The following NFKB1 variants were observed in gnomAD, a reference collection of about 807,000 sequenced individuals.
NFKB1 encodes the protein nuclear factor NF-kappa-B p105 subunit.
A neutral mutation model predicts 105.1 loss-of-function variants in NFKB1; 9 were observed. That is an observed-to-expected ratio of 0.09 (90% CI 0.05 to 0.15). The LOEUF is 0.15. Among genes scored for constraint, NFKB1 ranks in the 10% least tolerant of loss-of-function variants. The pLI, the probability that NFKB1 is intolerant of heterozygous loss-of-function variation, is 1.00. For missense variants in NFKB1, 830 were observed against 1,203.7 expected, an observed-to-expected ratio of 0.69 and a Z score of 4.59; for synonymous variants, 440 against 442.2, an observed-to-expected ratio of 1.00 and a Z score of 0.06.
chr4:102,517,951 T>C (rs1280267257), intron 1 of NFKB1, among the ~76,000 whole-genome samples: 1 of 152,140 alleles, frequency 6.6e-6, no homozygotes, highest in Non-Finnish European at 1.5e-5. Flanking sequence ...ATAAGTAATA[T>C]GGCAATAATG....
At chr4:102,549,669 C>T (rs1242358076) in intron 5 of NFKB1, among the ~76,000 whole-genome samples, 2 of 151,992 alleles carry the variant, frequency 1.3e-5, no homozygotes, top group Non-Finnish European at 2.9e-5. Flanking sequence ...GTAGACTTAA[C>T]ATATTCACAA....
intron 9 of NFKB1, 110 bp downstream of exon 9, chr4:102,580,749 C>A: frequency 1.3e-6 from 1 of 766,430 alleles, no homozygotes; most frequent in Non-Finnish European, 2.1e-6. Context: ...CATCCCTCTG[C>A]TGCCACAGAA....
chr4:102,578,043 GC>G (rs1301285197), intron 7 of NFKB1: 3 of 949,438 alleles, frequency 3.2e-6, no homozygotes, highest in African/African-American at 3.5e-5. Context: ...TTCCCGTTTT[GC>G]CCCTTCAGGT....
At position 102,529,905 on chromosome 4, in the gene NFKB1, C is replaced by T; in HGVS notation, c.109C>T (p.Leu37=). 1 of 1,608,436 alleles carries T rather than the reference C, an allele frequency of 6.2e-7. No homozygotes were observed. Among genetic ancestry groups the T allele is most frequent in the Non-Finnish European group, 8.5e-7 (1 of 1,176,032 alleles). The stretch of plus-strand genomic sequence containing the variant: ...AGAAGTATTTCAACCACAGATGGCA[C>T]TGCCAACAGGTAAGAAAACTCATCC... ...NPEVFQPQMA[L]PTADGPYLQI... The change falls in exon 3 of 24, where the codon CTG becomes TTG. Residue 37 remains leucine, a synonymous_variant. Transcript: ENST00000226574.
intron 9 of NFKB1, among the ~76,000 whole-genome samples, chr4:102,581,231 T>G: frequency 6.6e-6 from 1 of 152,206 alleles, no homozygotes; most frequent in African/African-American, 2.4e-5. Flanking sequence ...TAGTAAAAGC[T>G]GAGGAAAATG....
rs117598400 is a variant in NFKB1 at position 102,573,849 on chromosome 4, C to T, written c.408-3027C>T. Among the ~76,000 whole-genome samples the T allele has an allele frequency of 9.8e-4, 149 of 151,966 alleles. 1 individual carries two copies. The East Asian group carries it at 0.023, about 24-fold the overall frequency. ...ATCTAGTGTATTTTTTCCTCTTAGACATTGTAATTTGCAATTTCTATAGAT... is the reference window on the plus strand; with the variant it reads ...ATCTAGTGTATTTTTTCCTCTTAGATATTGTAATTTGCAATTTCTATAGAT... On this transcript the variant is annotated intron_variant, in intron 6 of 23. Transcript: ENST00000226574.
At chr4:102,552,732 G>C (rs1250392071) in intron 5 of NFKB1, among the ~76,000 whole-genome samples, 1 of 152,110 alleles carries the variant, frequency 6.6e-6, no homozygotes, top group Admixed American at 6.5e-5. Context: ...TGTTTAGTCA[G>C]TTTATACAGG....
chr4:102,504,424 A>T (rs550251826), intron 1 of NFKB1, among the ~76,000 whole-genome samples: 2 of 152,296 alleles, frequency 1.3e-5, no homozygotes, highest in South Asian at 4.1e-4. Context: ...TTTAGTAGGA[A>T]GTTTGTTTTA....
In NFKB1 at chr4:102,578,942, C is replaced by T. The variant is rs767270230; in HGVS notation, c.633C>T (p.Ser211=). ...ALQQTKEMDL[S]VVRLMFTAFL... ...AGCAGACCAAGGAGATGGACCTCAG[C>T]GTGGTGCGGCTCATGTTTACAGCTT... The change falls in exon 8 of 24, where the codon AGC becomes AGT. Residue 211 remains serine, a synonymous_variant. Coordinates refer to ENST00000226574, the MANE Select transcript of NFKB1 (RefSeq NM_003998.4). 1.1e-5 allele frequency: 17 copies of T among 1,614,132 alleles called. No individual in the cohort carries two copies. The highest frequency in any genetic ancestry group is 3.3e-5 in the South Asian group (3 of 91,082).
chr4:102,607,108 T>C, intron 17 of NFKB1, 42 bp from the exon 18 acceptor site: 1 of 1,607,564 alleles, frequency 6.2e-7, no homozygotes, highest in South Asian at 1.1e-5. Context: ...TCTTGTGAGT[T>C]AGCCATCCCA....
rs1722554751 is a variant in NFKB1 at position 102,551,273 on chromosome 4, CAT to C, written c.258+13318_258+13319del. ...CATGGCACCACAGCCAAGATACAGA[CAT>C]GTGTGAGAGAGTAATCAGGGTATTA... On this transcript the variant is annotated intron_variant, in intron 5 of 23. Coordinates refer to ENST00000226574, the MANE Select transcript of NFKB1 (RefSeq NM_003998.4). Among the ~76,000 whole-genome samples, 3 of 152,248 alleles carry C rather than the reference CAT, an allele frequency of 2.0e-5. No individual in the cohort carries two copies. In the South Asian group the frequency reaches 6.2e-4, roughly 32 times the overall value.
At chr4:102,563,221 G>C (rs921934524) in intron 5 of NFKB1, among the ~76,000 whole-genome samples, 2 of 152,152 alleles carry the variant, frequency 1.3e-5, no homozygotes, top group Admixed American at 1.3e-4. Context: ...GTCATCAGTA[G>C]GTATTGAGTC....
At chr4:102,549,902 C>CA (rs1331130465) in intron 5 of NFKB1, among the ~76,000 whole-genome samples, 1 of 152,130 alleles carries the variant, frequency 6.6e-6, no homozygotes, top group Non-Finnish European at 1.5e-5. Context: ...CCAATGCTGC[C>CA]ACCCTGGTAT....
At chr4:102,605,100 T>A (rs1350131961) in intron 16 of NFKB1, among the ~76,000 whole-genome samples, 1 of 152,200 alleles carries the variant, frequency 6.6e-6, no homozygotes, top group Non-Finnish European at 1.5e-5. Context: ...CTCATTCTCT[T>A]TCCTTTTCCC....
At chr4:102,520,811 G>A (rs1288916771) in intron 1 of NFKB1, among the ~76,000 whole-genome samples, 1 of 152,116 alleles carries the variant, frequency 6.6e-6, no homozygotes, top group East Asian at 1.9e-4. Flanking sequence ...GAAGATTTCA[G>A]TAGTGCTTAG....
chr4:102,529,212 A>G (rs1741118414), intron 2 of NFKB1, among the ~76,000 whole-genome samples: 1 of 152,136 alleles, frequency 6.6e-6, no homozygotes, highest in Non-Finnish European at 1.5e-5. Flanking sequence ...AGCTTAACAC[A>G]CCCACTAGAT....
chr4:102,521,690 C>T (rs1740582902), intron 1 of NFKB1, among the ~76,000 whole-genome samples: 1 of 152,158 alleles, frequency 6.6e-6, no homozygotes, highest in Non-Finnish European at 1.5e-5. Context: ...TCCTTAATGG[C>T]TCAATTCTGT....
At chr4:102,523,231 CT>C (rs1435920259) in intron 1 of NFKB1, among the ~76,000 whole-genome samples, 1 of 152,118 alleles carries the variant, frequency 6.6e-6, no homozygotes, top group Non-Finnish European at 1.5e-5. Context: ...TCAAATTTCC[CT>C]TTTTTAACTG....
At chr4:102,597,882 T>C (rs148982633) in intron 15 of NFKB1, among the ~76,000 whole-genome samples, 213 of 152,308 alleles carry the variant, frequency 1.4e-3, no homozygotes, top group African/African-American at 4.8e-3. Context: ...GGAGGACTCA[T>C]CTAAGAGTGA....
Sources: allele counts gnomAD v4.1 joint callset (sites outside exome capture counted in the v4.1 genomes callset), GRCh38; gene constraint gnomAD v4.1.1; transcripts MANE v1.5; gene names NCBI Gene and HGNC (gene_info 2026-07-23, HGNC 2026-07-21).